Variants in CACNG4 observed in about 807,000 individuals in gnomAD.
CACNG4 encodes calcium voltage-gated channel auxiliary subunit gamma 4.
Under a neutral mutation model 22.9 loss-of-function variants are expected in CACNG4, and 8 were observed. The observed-to-expected ratio is 0.35, with a 90% CI of 0.21 to 0.63. The LOEUF is 0.63. Among genes scored for constraint, CACNG4 ranks in the 30% least tolerant of loss-of-function variants. The pLI, the probability that CACNG4 is intolerant of heterozygous loss-of-function variation, is 0.72. For synonymous variants in CACNG4, 188 were observed against 191.9 expected, an observed-to-expected ratio of 0.98 and a Z score of 0.17; for missense variants, 357 against 455.4, an observed-to-expected ratio of 0.78 and a Z score of 1.97.
rs116261844 is a variant in CACNG4 at position 67,009,205 on chromosome 17, C to T, written c.221-8984C>T. On this transcript the variant is annotated intron_variant, in intron 1 of 3. Coordinates refer to ENST00000262138, the MANE Select transcript of CACNG4 (RefSeq NM_014405.4). Reference sequence around the variant, plus strand: ...GAACCAACCCCATCAACACCTTGATCTTGGGACTTCAAGCCTGCAGAACTG... The same window carrying T: ...GAACCAACCCCATCAACACCTTGATTTTGGGACTTCAAGCCTGCAGAACTG... 1.3e-3 allele frequency among the ~76,000 whole-genome samples: 194 copies of T among 152,296 alleles called. 1 individual carries two copies. The highest frequency in any genetic ancestry group is 4.6e-3 in the African/African-American group (190 of 41,570).
intron 1 of CACNG4, among the ~76,000 whole-genome samples, chr17:66,979,742 A>G (rs1395722318): frequency 1.5e-5 from 2 of 129,264 alleles, no homozygotes; most frequent in African/African-American, 2.9e-5. Context: ...TGTTCTTTTC[A>G]TGCTTTTTTT....
At chr17:66,982,064 C>A (rs888044794) in intron 1 of CACNG4, among the ~76,000 whole-genome samples, 1 of 152,144 alleles carries the variant, frequency 6.6e-6, no homozygotes, top group Non-Finnish European at 1.5e-5. Context: ...AAGAATGAAG[C>A]CATGGACGTT....
At chr17:66,997,937 G>A (rs1470420523) in intron 1 of CACNG4, among the ~76,000 whole-genome samples, 2 of 152,176 alleles carry the variant, frequency 1.3e-5, no homozygotes, top group East Asian at 3.9e-4. Flanking sequence ...AGGGAAGGAG[G>A]AGGAGATCCT....
chr17:67,002,243 A>G (rs548072244), intron 1 of CACNG4, among the ~76,000 whole-genome samples: 1 of 152,308 alleles, frequency 6.6e-6, no homozygotes, highest in Non-Finnish European at 1.5e-5. Context: ...TGCTCTTTAT[A>G]AAACCATCAG....
intron 1 of CACNG4, among the ~76,000 whole-genome samples, chr17:66,970,092 C>T (rs1820676553): frequency 6.6e-6 from 1 of 152,190 alleles, no homozygotes; most frequent in Admixed American, 6.5e-5. Context: ...CACATTCGTG[C>T]ATGTAATTGC....
intron 2 of CACNG4, among the ~76,000 whole-genome samples, chr17:67,018,575 T>C (rs999904141): frequency 6.6e-6 from 1 of 152,098 alleles, no homozygotes; most frequent in Admixed American, 6.5e-5. Context: ...GCTTCAAAGT[T>C]ACTGACTGGC....
At chr17:66,994,084 A>T (rs2035358732) in intron 1 of CACNG4, among the ~76,000 whole-genome samples, 1 of 151,972 alleles carries the variant, frequency 6.6e-6, no homozygotes, top group Admixed American at 6.6e-5. Context: ...TAATTTCAGC[A>T]CTTTGGGAGG....
At chr17:66,977,304 A>G (rs1177669562) in intron 1 of CACNG4, among the ~76,000 whole-genome samples, 1 of 152,056 alleles carries the variant, frequency 6.6e-6, no homozygotes, top group Non-Finnish European at 1.5e-5. Context: ...CTGAAGCCCC[A>G]TGGATCCAGC....
chr17:67,029,240 G>A (rs1228822868), intron 3 of CACNG4, among the ~76,000 whole-genome samples: 1 of 152,214 alleles, frequency 6.6e-6, no homozygotes, highest in African/African-American at 2.4e-5. Context: ...GCTGAGGCAG[G>A]AGAATCGCTT....
chr17:67,029,052 G>C (rs2143378414), intron 3 of CACNG4, among the ~76,000 whole-genome samples: 1 of 152,320 alleles, frequency 6.6e-6, no homozygotes, highest in African/African-American at 2.4e-5. Context: ...CCAAGTAAAG[G>C]CTGGGCGTGG....
At chr17:67,018,853 A>G (rs28681558) in intron 2 of CACNG4, among the ~76,000 whole-genome samples, 6,815 of 152,102 alleles carry the variant, frequency 0.045, 344 homozygotes, top group East Asian at 0.23. Flanking sequence ...GCCTCTGCCC[A>G]TGGGAGCCCC....
chr17:67,008,730 T>C lies in CACNG4; in HGVS notation c.221-9459T>C, dbSNP rs570915821. Among the ~76,000 whole-genome samples, 9 of 152,168 alleles carry C rather than the reference T, an allele frequency of 5.9e-5. No homozygotes were observed. The South Asian group carries it at 1.9e-3, about 32-fold the overall frequency. On this transcript the variant is annotated intron_variant, in intron 1 of 3. Coordinates refer to ENST00000262138, the MANE Select transcript of CACNG4 (RefSeq NM_014405.4). Reference sequence around the variant, plus strand: ...TTTGAGGCCGAGGTGGGTGGATCATTTGAGGTCAGGAGTTCGACACCAGCC... The same window carrying C: ...TTTGAGGCCGAGGTGGGTGGATCATCTGAGGTCAGGAGTTCGACACCAGCC...
intron 1 of CACNG4, among the ~76,000 whole-genome samples, chr17:66,967,897 C>T (rs1355857321): frequency 2.0e-5 from 3 of 152,152 alleles, no homozygotes; most frequent in Admixed American, 6.5e-5. Flanking sequence ...GGCAGGGCTA[C>T]GTGCAAAAGA....
chr17:66,978,317 G>A (rs1180416837), intron 1 of CACNG4, among the ~76,000 whole-genome samples: 4 of 152,078 alleles, frequency 2.6e-5, no homozygotes, highest in African/African-American at 7.3e-5. Context: ...CTTTGGAGCT[G>A]GCATAACATG....
intron 2 of CACNG4, among the ~76,000 whole-genome samples, chr17:67,021,389 G>A (rs1188009530): frequency 6.6e-6 from 1 of 152,202 alleles, no homozygotes; most frequent in Admixed American, 6.5e-5. Context: ...ATCTGCGTGG[G>A]CGTGGAGCAC....
At position 67,030,972 on chromosome 17, in the gene CACNG4, A is replaced by G; in HGVS notation, c.952A>G (p.Ser318Gly). Residue 318 changes from serine (S) to glycine (G), a missense_variant, in exon 4 of 4, where the codon AGC becomes GGC. Coordinates refer to ENST00000262138, the MANE Select transcript of CACNG4 (RefSeq NM_014405.4). The surrounding 1 kb of genome is among the most constrained non-coding windows in gnomAD (Gnocchi z 6.4). Reference sequence around the variant, plus strand: ...GGACCTGAAGGAAGGTTTCCACGTCAGCATGCTGAACCGACGGACGACCCC... The same window carrying G: ...GGACCTGAAGGAAGGTTTCCACGTCGGCATGCTGAACCGACGGACGACCCC... ...QQDLKEGFHV[S>G]MLNRRTTPV 1 of 1,613,678 alleles carries G rather than the reference A, an allele frequency of 6.2e-7. No individual in the cohort carries two copies. The highest frequency in any genetic ancestry group is 8.5e-7 in the Non-Finnish European group (1 of 1,179,750).
chr17:66,973,236 T>C (rs2035215683), intron 1 of CACNG4, among the ~76,000 whole-genome samples: 1 of 95,784 alleles, frequency 1.0e-5, no homozygotes, highest in Non-Finnish European at 2.2e-5. Flanking sequence ...CAAGACTCCA[T>C]TAAAAAAAAA....
chr17:66,985,999 G>T (rs759831485), intron 1 of CACNG4, among the ~76,000 whole-genome samples: 1 of 152,208 alleles, frequency 6.6e-6, no homozygotes, highest in East Asian at 1.9e-4. Context: ...CACAGGCAAA[G>T]TTCCAGAAAC....
chr17:67,001,637 A>G (rs964283688), intron 1 of CACNG4, among the ~76,000 whole-genome samples: 2 of 152,218 alleles, frequency 1.3e-5, no homozygotes, highest in Non-Finnish European at 2.9e-5. Flanking sequence ...AGGGCCTAGC[A>G]TGGTGCCTGG....
Sources: gnomAD v4.1 joint callset for allele counts (sites outside exome capture counted in the v4.1 genomes callset) on GRCh38, gnomAD v4.1.1 for gene constraint, Gnocchi (gnomAD v3.1) non-coding constraint, MANE v1.5 for transcripts, NCBI Gene and HGNC (gene_info 2026-07-23, HGNC 2026-07-21) for gene names.